The following FAM3D variants were observed in gnomAD, a reference collection of about 807,000 sequenced individuals.
FAM3D encodes the protein protein FAM3D.
In FAM3D, 26 loss-of-function variants were observed where a neutral mutation model predicts 29.8. That is an observed-to-expected ratio of 0.87 (90% CI 0.64 to 1.21). FAM3D has a LOEUF of 1.21. FAM3D is among the 50% of genes most tolerant of loss of function. FAM3D has a pLI of 0.00. For missense variants in FAM3D, 253 were observed against 290.9 expected, an observed-to-expected ratio of 0.87 and a Z score of 0.95; for synonymous variants, 115 against 102.3, an observed-to-expected ratio of 1.12 and a Z score of -0.75.
In FAM3D at chr3:58,653,642, A is replaced by G. The variant is rs201578543; in HGVS notation, c.121+32T>C. 1.6e-3 allele frequency: 2,486 copies of G among 1,593,744 alleles called. 6 individuals carry two copies. Among genetic ancestry groups the G allele is most frequent in the Non-Finnish European group, 2.0e-3 (2,299 of 1,163,462 alleles). On this transcript the variant is annotated intron_variant, in intron 3 of 9. Transcript: ENST00000358781. The stretch of plus-strand genomic sequence containing the variant: ...TCTTCGGCCCCCAGGCCTGGTCTGC[A>G]GTTCCTGCCCCCAGCAGTGAGCCCC...
intron 3 of FAM3D, among the ~76,000 whole-genome samples, chr3:58,652,911 T>C (rs1198717392): frequency 1.3e-5 from 2 of 150,452 alleles, no homozygotes; most frequent in Non-Finnish European, 3.0e-5. Context: ...CATCTACCCA[T>C]CCATCCATCT....
intron 4 of FAM3D, among the ~76,000 whole-genome samples, chr3:58,646,355 G>A (rs1045468329): frequency 6.6e-6 from 1 of 152,200 alleles, no homozygotes; most frequent in Admixed American, 6.5e-5. Flanking sequence ...TGGTGATGCT[G>A]GCTGTTCCTA....
At chr3:58,642,972 T>C (rs6763630) in intron 6 of FAM3D, among the ~76,000 whole-genome samples, 66,141 of 152,086 alleles carry the variant, frequency 0.43, 15,482 homozygotes, top group South Asian at 0.59. Flanking sequence ...GTGTTGCCCC[T>C]GCCTGGAAAG....
intron 4 of FAM3D, 130 bp from the exon 5 acceptor site, chr3:58,645,756 C>T (rs1256872134): frequency 1.3e-6 from 1 of 779,632 alleles, no homozygotes; most frequent in Non-Finnish European, 2.2e-6. Context: ...CTGGGGGAGC[C>T]TTCGCTGATT....
At chr3:58,652,786 C>T (rs1225216342) in intron 3 of FAM3D, among the ~76,000 whole-genome samples, 2 of 152,098 alleles carry the variant, frequency 1.3e-5, no homozygotes, top group South Asian at 2.1e-4. Context: ...TCCATCTACC[C>T]ATCCAACCAT....
intron 4 of FAM3D, among the ~76,000 whole-genome samples, chr3:58,648,815 C>G (rs1334468426): frequency 6.6e-6 from 1 of 152,178 alleles, no homozygotes; most frequent in African/African-American, 2.4e-5. Flanking sequence ...CTCCACTTCT[C>G]TTAGGCAGGT....
At chr3:58,636,455 G>A (rs1236846141) in intron 8 of FAM3D, 35 bp from the exon 9 acceptor site, 3 of 1,610,836 alleles carry the variant, frequency 1.9e-6, no homozygotes, top group African/African-American at 2.7e-5. Context: ...CAGGATGCGG[G>A]GGTGGGTCGC....
At chr3:58,664,002 T>A (rs17059660) in intron 1 of FAM3D, among the ~76,000 whole-genome samples, 1 of 152,020 alleles carries the variant, frequency 6.6e-6, no homozygotes, top group Non-Finnish European at 1.5e-5. Context: ...GATCATTCCC[T>A]CTGCGATGTG....
At chr3:58,646,914 A>G (rs534861608) in intron 4 of FAM3D, among the ~76,000 whole-genome samples, 2 of 152,204 alleles carry the variant, frequency 1.3e-5, no homozygotes, top group South Asian at 4.1e-4. Flanking sequence ...GGTAGGGACC[A>G]TGAGGTTTCC....
chr3:58,634,393 T>A lies in FAM3D; in HGVS notation c.586-25A>T, dbSNP rs1225187363. 1.9e-6 allele frequency: 3 copies of A among 1,605,456 alleles called. No homozygotes were observed. The highest frequency in any genetic ancestry group is 1.7e-5 in the Admixed American group (1 of 59,954). ...ACTAGAGAGAGAGAAGACAGAGAAA[T>A]ATAGGCAGTGAGTGAGGCTGTTCAG... On this transcript the variant is annotated intron_variant, in intron 9 of 9. Transcript: ENST00000358781. The surrounding 1 kb of genome is among the most constrained non-coding windows in gnomAD (Gnocchi z 4.6).
Position 58,634,232 on chromosome 3 carries a change from G to T in FAM3D, c.*47C>A. ...CTGCCGGGCTCTGACTCCTAAGTCA[G>T]GCAGGAGCTTCTTCAGGCCCCTGGC... On this transcript the variant is annotated 3_prime_UTR_variant, in exon 10 of 10. Transcript: ENST00000358781. This position sits in a 1 kb window ranked among gnomAD's most constrained non-coding sequence, Gnocchi z 4.6. The T allele has an allele frequency of 6.3e-7, 1 of 1,580,996 alleles. No homozygotes were observed.
rs2066927168 is a variant in FAM3D, at chr3:58,661,432, C to T, written c.-39+5144G>A. Among the ~76,000 whole-genome samples, 5 of 152,202 alleles carry T rather than the reference C, an allele frequency of 3.3e-5. No individual in the cohort carries two copies. The South Asian group carries it at 1.0e-3, about 32-fold the overall frequency. ...CTTGGCAGGGGTCAGCCACCTCTCT[C>T]CTCTCCTCAGATAGGTTTTAGGGAG... On this transcript the variant is annotated intron_variant, in intron 1 of 9. Transcript: ENST00000358781.
chr3:58,654,731 T>C (rs1046480242), intron 2 of FAM3D, among the ~76,000 whole-genome samples: 4 of 146,546 alleles, frequency 2.7e-5, no homozygotes, highest in African/African-American at 1.0e-4. Context: ...TCTAGAGCCT[T>C]GAACTAGTCT....
intron 4 of FAM3D, among the ~76,000 whole-genome samples, chr3:58,647,968 T>C (rs748991972): frequency 2.6e-5 from 4 of 152,236 alleles, no homozygotes; most frequent in African/African-American, 7.2e-5. Context: ...ACAGGTTTCC[T>C]CTTAAATGTC....
At chr3:58,641,293 C>A (rs1212619838) in intron 6 of FAM3D, among the ~76,000 whole-genome samples, 1 of 152,092 alleles carries the variant, frequency 6.6e-6, no homozygotes, top group Non-Finnish European at 1.5e-5. Context: ...ATGATTAAGA[C>A]CTGCAGTTGA....
At chr3:58,647,207 A>C (rs933230284) in intron 4 of FAM3D, among the ~76,000 whole-genome samples, 37 of 152,192 alleles carry the variant, frequency 2.4e-4, no homozygotes, top group Admixed American at 3.3e-4. Flanking sequence ...AAACCATGAC[A>C]TTGTCACCCA....
chr3:58,650,685 TA>T (rs980269023), intron 3 of FAM3D, among the ~76,000 whole-genome samples: 1 of 152,220 alleles, frequency 6.6e-6, no homozygotes, highest in African/African-American at 2.4e-5. Context: ...TGAAACCAGT[TA>T]AAGTTGAGTT....
intron 1 of FAM3D, among the ~76,000 whole-genome samples, chr3:58,664,423 T>TG (rs1559511091): frequency 6.6e-6 from 1 of 152,030 alleles, no homozygotes; most frequent in East Asian, 1.9e-4. Context: ...TAATCATTTC[T>TG]GAATGCCCAG....
At chr3:58,647,864 C>T (rs1250625544) in intron 4 of FAM3D, among the ~76,000 whole-genome samples, 1 of 152,250 alleles carries the variant, frequency 6.6e-6, no homozygotes, top group Non-Finnish European at 1.5e-5. Flanking sequence ...ATAGGCTGCT[C>T]TTTCATTAAT....
Sources: gnomAD v4.1 joint callset for allele counts (sites outside exome capture counted in the v4.1 genomes callset) on GRCh38, gnomAD v4.1.1 for gene constraint, Gnocchi (gnomAD v3.1) non-coding constraint, MANE v1.5 for transcripts, NCBI Gene and HGNC (gene_info 2026-07-23, HGNC 2026-07-21) for gene names.